The following RNF169 variants were observed in gnomAD, a reference collection of about 807,000 sequenced individuals.
RNF169 encodes ring finger protein 169.
Under a neutral mutation model 53.9 loss-of-function variants are expected in RNF169, and 24 were observed. The observed-to-expected ratio is 0.45, with a 90% confidence interval of 0.32 to 0.63. The LOEUF (loss-of-function observed/expected upper bound fraction) is 0.63, where lower values mean the gene tolerates loss of function less well. Ranked by LOEUF, RNF169 falls within the 20% of genes least tolerant of loss-of-function variation. RNF169 has a pLI of 0.04. For missense variants in RNF169, 883 were observed against 906.2 expected, an observed-to-expected ratio of 0.97 and a Z score of 0.33; for synonymous variants, 396 against 363.5, an observed-to-expected ratio of 1.09 and a Z score of -1.02.
At chr11:74,778,339 A>G (rs1337439228) in intron 1 of RNF169, among the ~76,000 whole-genome samples, 1 of 152,086 alleles carries the variant, frequency 6.6e-6, no homozygotes, top group African/African-American at 2.4e-5. Flanking sequence ...ACACATTTAC[A>G]TATGATAACT....
In RNF169 at chr11:74,836,706, C is replaced by T; in HGVS notation, c.2103C>T (p.Ser701=). The change falls in exon 6 of 6, where the codon TCC becomes TCT. Residue 701 remains serine (S), a synonymous_variant. Coordinates refer to ENST00000299563, the MANE Select transcript of RNF169 (RefSeq NM_001098638.2). ...GTGTGGATCAGTATCTCCTACGGTC[C>T]AGCAACATGGCCGGGGCCAAGTAGC... is the stretch of plus-strand genomic sequence containing the variant. ...KGSVDQYLLR[S]SNMAGAK is the part of the protein sequence containing the mutation. 6.2e-7 allele frequency: 1 copy of T among 1,610,962 alleles called. No homozygotes were observed. Among genetic ancestry groups the T allele is most frequent in the East Asian group, 2.2e-5 (1 of 44,864 alleles).
intron 1 of RNF169, among the ~76,000 whole-genome samples, chr11:74,774,103 G>T (rs2035296849): frequency 6.6e-6 from 1 of 152,126 alleles, no homozygotes; most frequent in East Asian, 1.9e-4. Flanking sequence ...ACTTTGGGAG[G>T]CCGAGGCAGG....
intron 1 of RNF169, among the ~76,000 whole-genome samples, chr11:74,776,511 C>CAAA (rs766527055): frequency 0.018 from 1,479 of 81,804 alleles, 45 homozygotes; most frequent in African/African-American, 0.065. Context: ...TTCATTCAGC[C>CAAA]AAAAAAAAAA....
intron 1 of RNF169, among the ~76,000 whole-genome samples, chr11:74,776,511 CAAAAAAAA>C (rs766527055): frequency 2.4e-5 from 2 of 82,030 alleles, no homozygotes; most frequent in South Asian, 4.5e-4. Flanking sequence ...TTCATTCAGC[CAAAAAAAA>C]AAAAAAAAAA....
Position 74,836,142 on chromosome 11 carries a change from A to G in RNF169, c.1539A>G (p.Glu513=). 3 of 1,614,190 alleles carry G rather than the reference A, an allele frequency of 1.9e-6. No individual in the cohort carries two copies. The highest frequency in any genetic ancestry group is 2.5e-6 in the Non-Finnish European group (3 of 1,180,034). ...HFPSVSQTKA[E]QDSDNKSSTE... ...CCTCTGTTAGCCAAACAAAAGCAGAACAGGACAGTGATAATAAAAGTAGCA... is the reference window on the plus strand; with the variant it reads ...CCTCTGTTAGCCAAACAAAAGCAGAGCAGGACAGTGATAATAAAAGTAGCA... Residue 513 remains glutamate, a synonymous_variant, in exon 6 of 6, where the codon GAA becomes GAG. Coordinates refer to ENST00000299563, the MANE Select transcript of RNF169 (RefSeq NM_001098638.2).
intron 1 of RNF169, among the ~76,000 whole-genome samples, chr11:74,772,910 C>G (rs1158677200): frequency 6.6e-6 from 1 of 152,040 alleles, no homozygotes; most frequent in African/African-American, 2.4e-5. Context: ...AGTTCCAAAG[C>G]TATTGGCTAG....
intron 1 of RNF169, among the ~76,000 whole-genome samples, chr11:74,768,025 G>A (rs1365407380): frequency 6.6e-6 from 1 of 152,086 alleles, no homozygotes; most frequent in Non-Finnish European, 1.5e-5. Context: ...GATGATTAGT[G>A]GCCAAGAATA....
intron 1 of RNF169, among the ~76,000 whole-genome samples, chr11:74,780,748 C>T (rs531547189): frequency 4.6e-5 from 7 of 152,258 alleles, no homozygotes; most frequent in Non-Finnish European, 7.4e-5. Flanking sequence ...ACTAGAAAAG[C>T]TTGATTTAAA....
intron 1 of RNF169, among the ~76,000 whole-genome samples, chr11:74,776,543 A>G (rs496643): frequency 1.3e-5 from 2 of 149,576 alleles, no homozygotes; most frequent in Non-Finnish European, 3.0e-5. Context: ...AATTTAAGCC[A>G]TTGTTTGACA....
chr11:74,829,630 G>A (rs984854250), intron 4 of RNF169, among the ~76,000 whole-genome samples: 1 of 152,064 alleles, frequency 6.6e-6, no homozygotes, highest in Admixed American at 6.6e-5. Context: ...AAGAAAATGT[G>A]GTACGTATAC....
At chr11:74,825,260 G>T (rs1165064489) in intron 4 of RNF169, among the ~76,000 whole-genome samples, 1 of 152,042 alleles carries the variant, frequency 6.6e-6, no homozygotes, top group African/African-American at 2.4e-5. Flanking sequence ...CTGTATTTTT[G>T]ACCACAATGG....
chr11:74,795,047 C>A (rs895078376), intron 2 of RNF169, among the ~76,000 whole-genome samples: 3 of 152,080 alleles, frequency 2.0e-5, no homozygotes, highest in African/African-American at 7.2e-5. Context: ...CTCAAACAAT[C>A]CTCCTGCCTC....
intron 2 of RNF169, among the ~76,000 whole-genome samples, chr11:74,795,533 A>G (rs150790387): frequency 1.1e-4 from 17 of 152,258 alleles, no homozygotes; most frequent in East Asian, 7.7e-4. Flanking sequence ...GGCAAATACA[A>G]TCCCTTCAGT....
At chr11:74,806,634 A>C (rs763882036) in intron 2 of RNF169, among the ~76,000 whole-genome samples, 9 of 152,242 alleles carry the variant, frequency 5.9e-5, no homozygotes, top group Non-Finnish European at 1.2e-4. Context: ...ATAATAAACT[A>C]TTTGTACCTG....
At chr11:74,779,407 T>A (rs190807268) in intron 1 of RNF169, among the ~76,000 whole-genome samples, 3 of 152,300 alleles carry the variant, frequency 2.0e-5, no homozygotes, top group African/African-American at 7.2e-5. Flanking sequence ...TCAGTTCAAC[T>A]TTCTTTCTGT....
intron 4 of RNF169, among the ~76,000 whole-genome samples, chr11:74,830,009 AGT>A (rs1043969257): frequency 6.6e-6 from 1 of 152,182 alleles, no homozygotes; most frequent in African/African-American, 2.4e-5. Flanking sequence ...TGAACTTAAA[AGT>A]TAGAAAAAGG....
chr11:74,766,941 T>C (rs1261231007), intron 1 of RNF169, among the ~76,000 whole-genome samples: 1 of 152,196 alleles, frequency 6.6e-6, no homozygotes, highest in Non-Finnish European at 1.5e-5. Flanking sequence ...AAGAACTGTA[T>C]GAGAAAGGAA....
intron 1 of RNF169, among the ~76,000 whole-genome samples, chr11:74,768,675 A>G (rs758498505): frequency 6.6e-6 from 1 of 152,100 alleles, no homozygotes; most frequent in Non-Finnish European, 1.5e-5. Context: ...TGCTAGGACT[A>G]TCTCTATGAA....
intron 1 of RNF169, among the ~76,000 whole-genome samples, chr11:74,758,789 C>T (rs1189441674): frequency 6.6e-6 from 1 of 152,164 alleles, no homozygotes; most frequent in Admixed American, 6.5e-5. Context: ...CAGGCGTGAG[C>T]CACCGCGCCC....
Sources: gnomAD v4.1 joint callset for allele counts (sites outside exome capture counted in the v4.1 genomes callset) on GRCh38, gnomAD v4.1.1 for gene constraint, MANE v1.5 for transcripts, NCBI Gene and HGNC (gene_info 2026-07-23, HGNC 2026-07-21) for gene names.